EYA2: variants seen among roughly 807,000 people sequenced by gnomAD.
EYA2 encodes the protein protein phosphatase EYA2.
EYA2 carries 31 observed loss-of-function variants against 69.2 expected under a neutral mutation model. The ratio of observed to expected loss-of-function variants is 0.45; its 90% CI spans 0.34 to 0.60. The LOEUF (loss-of-function observed/expected upper bound fraction) is 0.60. EYA2 is among the 20% of genes least tolerant of loss of function. The probability of loss-of-function intolerance (pLI) is 0.02; values close to 1 mark genes in which losing one functional copy is unlikely to be tolerated. For missense variants in EYA2, 622 were observed against 701.2 expected (o/e 0.89, Z 1.28); for synonymous variants, 257 against 279.4 (o/e 0.92, Z 0.80).
At chr20:47,149,688 C>CAAAAAAAA (rs59780173) in intron 10 of EYA2, among the ~76,000 whole-genome samples, 43 of 102,656 alleles carry the variant, frequency 4.2e-4, no homozygotes, top group African/African-American at 8.5e-4. Context: ...ACTAAAAATA[C>CAAAAAAAA]AAAAAAAAAA....
intron 1 of EYA2, among the ~76,000 whole-genome samples, chr20:46,936,753 G>A (rs777555846): frequency 5.9e-5 from 9 of 152,136 alleles, no homozygotes; most frequent in Non-Finnish European, 1.0e-4. Flanking sequence ...TAGGCTGACC[G>A]GAGGGGTGTC....
chr20:47,141,625 ACAT>A (rs2033599358), intron 9 of EYA2, among the ~76,000 whole-genome samples: 1 of 152,190 alleles, frequency 6.6e-6, no homozygotes, highest in African/African-American at 2.4e-5. Context: ...TCTCTGATCC[ACAT>A]CATCTTTATT....
chr20:46,911,092 T>A (rs1480997694), intron 1 of EYA2, among the ~76,000 whole-genome samples: 1 of 152,204 alleles, frequency 6.6e-6, no homozygotes, highest in Non-Finnish European at 1.5e-5. Flanking sequence ...CTTTCCTATA[T>A]CTAGATCTCC....
In EYA2 at chr20:46,953,637, GCCTCTCCCTCCCCAGTT is replaced by G. The variant is rs1212215123; in HGVS notation, c.-10-36346_-10-36330del. On this transcript the variant is annotated intron_variant, in intron 1 of 15. Transcript: ENST00000327619. ...TGTAGGATGGTTAGCAGTATTCCTG[GCCTCTCCCTCCCCAGTT>G]CCTCTCCCTCCCCAGTTATGACAAC... Among the ~76,000 whole-genome samples the G allele has an allele frequency of 3.9e-5, 6 of 152,082 alleles. 1 individual carries two copies. The highest frequency in any genetic ancestry group is 2.6e-4 in the Admixed American group (4 of 15,282).
chr20:47,131,907 C>T (rs1166974324), intron 9 of EYA2, among the ~76,000 whole-genome samples: 1 of 152,202 alleles, frequency 6.6e-6, no homozygotes, highest in Non-Finnish European at 1.5e-5. Context: ...ATGGTGACTA[C>T]ACCAGGTTTT....
intron 12 of EYA2, 146 bp from the exon 13 acceptor site, chr20:47,179,652 T>C (rs939641536): frequency 1.0e-5 from 6 of 593,342 alleles, no homozygotes; most frequent in Non-Finnish European, 1.8e-5. Flanking sequence ...CAGGATAAGA[T>C]TGAGAGAAGC....
intron 4 of EYA2, among the ~76,000 whole-genome samples, chr20:47,010,552 C>G (rs6018232): frequency 6.6e-6 from 1 of 151,900 alleles, no homozygotes; most frequent in Admixed American, 6.6e-5. Context: ...TCACTTGAGC[C>G]TGGGAGGTCG....
intron 2 of EYA2, among the ~76,000 whole-genome samples, chr20:46,991,386 C>T (rs988110899): frequency 6.6e-5 from 10 of 152,272 alleles, no homozygotes; most frequent in East Asian, 1.9e-4. Context: ...GGCATAATGG[C>T]GTACTTCATA....
intron 1 of EYA2, among the ~76,000 whole-genome samples, chr20:46,914,836 C>T (rs1984822960): frequency 6.6e-6 from 1 of 152,142 alleles, no homozygotes; most frequent in Non-Finnish European, 1.5e-5. Context: ...CCAGCCCCAT[C>T]GTCACACTCA....
chr20:47,131,152 A>C (rs2033332870), intron 9 of EYA2, among the ~76,000 whole-genome samples: 1 of 152,268 alleles, frequency 6.6e-6, no homozygotes, highest in African/African-American at 2.4e-5. Flanking sequence ...TTCTAGGCTC[A>C]GATCATTAGA....
chr20:47,056,499 C>T (rs888390481), intron 5 of EYA2, among the ~76,000 whole-genome samples: 5 of 152,122 alleles, frequency 3.3e-5, no homozygotes, highest in African/African-American at 7.2e-5. Flanking sequence ...CCGTAGCTCC[C>T]GTTTGTTGAA....
intron 1 of EYA2, among the ~76,000 whole-genome samples, chr20:46,905,278 G>A (rs1984299368): frequency 6.6e-6 from 1 of 152,110 alleles, no homozygotes; most frequent in African/African-American, 2.4e-5. Context: ...CTGCCCAGCG[G>A]CATTCCATTC....
At chr20:46,942,917 T>C in intron 1 of EYA2, among the ~76,000 whole-genome samples, 1 of 152,214 alleles carries the variant, frequency 6.6e-6, no homozygotes, top group African/African-American at 2.4e-5. Context: ...AGACACGTGC[T>C]ACCACGTCTG....
chr20:47,183,457 G>A, intron 15 of EYA2, 66 bp downstream of exon 15: 1 of 1,435,832 alleles, frequency 7.0e-7, no homozygotes, highest in Non-Finnish European at 9.6e-7. Context: ...GTCTTCAAGG[G>A]CTCCTTCCAT....
chr20:47,014,440 A>G (rs181831776), intron 4 of EYA2, among the ~76,000 whole-genome samples: 1 of 152,352 alleles, frequency 6.6e-6, no homozygotes, highest in East Asian at 1.9e-4. Flanking sequence ...GAGATAAGCA[A>G]TGTTTGATAA....
At chr20:47,165,778 C>A (rs1211356137) in intron 10 of EYA2, among the ~76,000 whole-genome samples, 1 of 152,138 alleles carries the variant, frequency 6.6e-6, no homozygotes, top group Non-Finnish European at 1.5e-5. Context: ...AGCCACACTA[C>A]CCCCTTGCCA....
intron 5 of EYA2, among the ~76,000 whole-genome samples, chr20:47,034,159 G>A (rs1202911596): frequency 1.3e-5 from 2 of 152,216 alleles, no homozygotes; most frequent in East Asian, 1.9e-4. Flanking sequence ...AACAGTATTT[G>A]GCTAGAATTA....
intron 1 of EYA2, among the ~76,000 whole-genome samples, chr20:46,972,326 A>G (rs531716351): frequency 1.3e-5 from 2 of 151,032 alleles, no homozygotes; most frequent in Admixed American, 6.5e-5. Flanking sequence ...TCATTTGGGT[A>G]TTAATTACTC....
In EYA2 at chr20:47,172,691, C is replaced by G. The variant is rs565708491; in HGVS notation, c.1038-16C>G. On this transcript the variant is annotated splice_polypyrimidine_tract_variant and intron_variant, in intron 11 of 15. Transcript: ENST00000327619. ...CCCCCTGCACTAACACTGTCCCTCCCCTCCTCTCTCCGCAGCACATACAAC... is the reference window on the plus strand; with the variant it reads ...CCCCCTGCACTAACACTGTCCCTCCGCTCCTCTCTCCGCAGCACATACAAC... 6.3e-7 allele frequency: 1 copy of G among 1,599,016 alleles called. No homozygotes were observed. Among genetic ancestry groups the G allele is most frequent in the Non-Finnish European group, 8.5e-7 (1 of 1,172,218 alleles).
Sources: allele counts gnomAD v4.1 joint callset (sites outside exome capture counted in the v4.1 genomes callset), GRCh38; gene constraint gnomAD v4.1.1; transcripts MANE v1.5; gene names NCBI Gene and HGNC (gene_info 2026-07-23, HGNC 2026-07-21).